DOCK2: variants seen among roughly 807,000 people sequenced by gnomAD.
DOCK2 encodes the protein dedicator of cytokinesis protein 2.
In DOCK2, 87 loss-of-function variants were observed where a neutral mutation model predicts 248.9. That is an observed-to-expected ratio of 0.35 (90% CI 0.29 to 0.42). DOCK2 has a LOEUF of 0.42. Among genes scored for constraint, DOCK2 ranks in the 10% least tolerant of loss-of-function variants. The pLI, the probability that DOCK2 is intolerant of heterozygous loss-of-function variation, is 1.00. For missense variants in DOCK2, 1,747 were observed against 2,300.2 expected (o/e 0.76, Z 4.92); for synonymous variants, 805 against 821.6 (o/e 0.98, Z 0.35).
Position 169,934,990 on chromosome 5 carries a change from G to A in DOCK2, c.2800-48078G>A, listed in dbSNP as rs182423806. 14 of 266,454 alleles carry A rather than the reference G, an allele frequency of 5.3e-5. No individual in the cohort carries two copies. The East Asian group carries it at 1.5e-3, about 29-fold the overall frequency. The allele number at this position is 266,454 out of a possible 1,614,324, so 16.5% of individuals were successfully genotyped here. On this transcript the variant is annotated intron_variant, in intron 27 of 51. Transcript: ENST00000520908. ...ATCAGCTAGAATGCAAACGTTAGCA[G>A]CCAACATACTGACTGCAGCCATCTA...
chr5:169,781,132 A>G (rs955642276), intron 25 of DOCK2, among the ~76,000 whole-genome samples: 1 of 152,176 alleles, frequency 6.6e-6, no homozygotes, highest in African/African-American at 2.4e-5. Context: ...TCACTCACAC[A>G]GTGGCCATGT....
chr5:170,024,905 T>C (rs1473792519), intron 33 of DOCK2, among the ~76,000 whole-genome samples: 1 of 152,198 alleles, frequency 6.6e-6, no homozygotes, highest in African/African-American at 2.4e-5. Context: ...ATTTCCCTCC[T>C]GGCAGGCTCT....
rs181338300 is a variant in DOCK2, at chr5:169,870,482, A to C, written c.2799+29630A>C. On this transcript the variant is annotated intron_variant, in intron 27 of 51. Coordinates refer to ENST00000520908, the MANE Select transcript of DOCK2 (RefSeq NM_004946.3). The stretch of plus-strand genomic sequence containing the variant: ...AACTGAAGTTGGGTGAGCCAAAAGG[A>C]GATAAAAATTGATGTAGAAAGAAAT... Among the ~76,000 whole-genome samples the C allele has an allele frequency of 6.6e-5, 10 of 152,292 alleles. 1 individual carries two copies. The highest frequency in any genetic ancestry group is 3.9e-4 in the Admixed American group (6 of 15,296).
At chr5:169,732,415 C>CTATGCAG (rs1361961861) in intron 22 of DOCK2, among the ~76,000 whole-genome samples, 1 of 152,174 alleles carries the variant, frequency 6.6e-6, no homozygotes, top group East Asian at 1.9e-4. Context: ...GTTATCATTT[C>CTATGCAG]TATGCAGGTA....
At chr5:169,780,303 G>A (rs1765632782) in intron 25 of DOCK2, among the ~76,000 whole-genome samples, 1 of 123,688 alleles carries the variant, frequency 8.1e-6, no homozygotes, top group South Asian at 2.6e-4. Context: ...AAATGTGTGT[G>A]TGTGTGTGTG....
intron 27 of DOCK2, among the ~76,000 whole-genome samples, chr5:169,892,303 T>C (rs1376345249): frequency 6.6e-6 from 1 of 152,218 alleles, no homozygotes; most frequent in Admixed American, 6.5e-5. Flanking sequence ...TACCTGCAAA[T>C]GCTTCAAGAA....
chr5:170,061,900 C>A (rs1757340173), intron 44 of DOCK2, among the ~76,000 whole-genome samples: 1 of 152,194 alleles, frequency 6.6e-6, no homozygotes, highest in Admixed American at 6.5e-5. Flanking sequence ...AGAGCCCCCC[C>A]AGAGTTGGTC....
At chr5:169,817,242 A>T (rs541949804) in intron 26 of DOCK2, among the ~76,000 whole-genome samples, 54 of 152,362 alleles carry the variant, frequency 3.5e-4, no homozygotes, top group African/African-American at 1.3e-3. Context: ...GCACTTAATT[A>T]TATGCAGCTT....
At chr5:169,776,103 C>G (rs1402013791) in intron 25 of DOCK2, among the ~76,000 whole-genome samples, 1 of 149,540 alleles carries the variant, frequency 6.7e-6, no homozygotes, top group Non-Finnish European at 1.5e-5. Flanking sequence ...TTTATTCTTC[C>G]TCTCTTTTGT....
At chr5:169,704,211 A>G (rs1188635219) in intron 14 of DOCK2, 3 of 152,202 alleles carry the variant, frequency 2.0e-5, no homozygotes, top group Non-Finnish European at 4.4e-5. Flanking sequence ...AGCCTGTGGG[A>G]GGCTTTTCTT....
chr5:170,063,114 A>C (rs921336155), intron 44 of DOCK2, among the ~76,000 whole-genome samples: 1 of 152,080 alleles, frequency 6.6e-6, no homozygotes, highest in African/African-American at 2.4e-5. Context: ...TGGCATATGC[A>C]TGTCGCCAAA....
chr5:169,933,029 C>T (rs1469072105), intron 27 of DOCK2, among the ~76,000 whole-genome samples: 1 of 152,230 alleles, frequency 6.6e-6, no homozygotes. Flanking sequence ...GTTTCTCCGG[C>T]AGGTATTGGC....
chr5:169,928,563 C>T (rs1241244885), intron 27 of DOCK2, among the ~76,000 whole-genome samples: 2 of 152,200 alleles, frequency 1.3e-5, no homozygotes, highest in East Asian at 1.9e-4. Flanking sequence ...TGACATGAAG[C>T]ATCGTCCATC....
chr5:169,793,931 G>A (rs557992133), intron 25 of DOCK2, among the ~76,000 whole-genome samples: 2 of 152,204 alleles, frequency 1.3e-5, no homozygotes, highest in South Asian at 4.2e-4. Flanking sequence ...AAGTGTGCCC[G>A]GCTCAGCGAG....
At chr5:170,014,161 G>C (rs1032254342) in intron 32 of DOCK2, among the ~76,000 whole-genome samples, 3 of 152,136 alleles carry the variant, frequency 2.0e-5, no homozygotes, top group African/African-American at 7.2e-5. Context: ...TGGGGTTGGG[G>C]AGAGGCTGCT....
chr5:169,780,690 A>G lies in DOCK2; in HGVS notation c.2554+19065A>G, dbSNP rs529194805. On this transcript the variant is annotated intron_variant, in intron 25 of 51. Transcript: ENST00000520908. Reference sequence around the variant, plus strand: ...ACTGGGATAGGTGTTTGAAGGTGAAAGGACCAGTTGCCTTCATTGAAAGAT... The same window carrying G: ...ACTGGGATAGGTGTTTGAAGGTGAAGGGACCAGTTGCCTTCATTGAAAGAT... 2.0e-5 allele frequency among the ~76,000 whole-genome samples: 3 copies of G among 152,318 alleles called. No homozygotes were observed. In the East Asian group the frequency reaches 5.8e-4, roughly 29 times the overall value.
intron 27 of DOCK2, among the ~76,000 whole-genome samples, chr5:169,889,711 C>T (rs1773175332): frequency 6.6e-6 from 1 of 152,208 alleles, no homozygotes; most frequent in African/African-American, 2.4e-5. Flanking sequence ...TCAGATCTGC[C>T]ATTGTGGCAA....
chr5:170,013,166 C>A (rs546564580), intron 32 of DOCK2, among the ~76,000 whole-genome samples: 240 of 151,864 alleles, frequency 1.6e-3, no homozygotes, highest in African/African-American at 5.6e-3. Flanking sequence ...GGCAGGTATT[C>A]TAGGGGAGCA....
intron 25 of DOCK2, among the ~76,000 whole-genome samples, chr5:169,797,082 T>C (rs1295566622): frequency 6.6e-6 from 1 of 152,220 alleles, no homozygotes; most frequent in Non-Finnish European, 1.5e-5. Context: ...GAGGGTAGAA[T>C]GGACATAACT....
Sources: gnomAD v4.1 joint callset for allele counts (sites outside exome capture counted in the v4.1 genomes callset) on GRCh38, gnomAD v4.1.1 for gene constraint, MANE v1.5 for transcripts, NCBI Gene and HGNC (gene_info 2026-07-23, HGNC 2026-07-21) for gene names.